PTPRD: variants seen among roughly 807,000 people sequenced by gnomAD.
The protein encoded by PTPRD is receptor-type tyrosine-protein phosphatase delta.
A neutral mutation model predicts 214.5 loss-of-function variants in PTPRD; 34 were observed. The observed-to-expected ratio is 0.16, with a 90% confidence interval of 0.12 to 0.21. The LOEUF (loss-of-function observed/expected upper bound fraction) is 0.21, where lower values mean the gene tolerates loss of function less well. Among genes scored for constraint, PTPRD ranks in the 10% least tolerant of loss-of-function variants. The probability of loss-of-function intolerance (pLI) is 1.00; values close to 1 mark genes in which losing one functional copy is unlikely to be tolerated. For synonymous variants in PTPRD, 1,128 were observed against 845.7 expected (o/e 1.33, Z -5.79); for missense variants, 2,545 against 2,398.7 (o/e 1.06, Z -1.27).
chr9:9,748,554 A>C (rs1474411202), intron 6 of PTPRD, among the ~76,000 whole-genome samples: 1 of 152,220 alleles, frequency 6.6e-6, no homozygotes, highest in Admixed American at 6.5e-5. Context: ...ACGACAGAAA[A>C]GCAGGATGGT....
At chr9:9,524,921 A>G (rs958680590) in intron 8 of PTPRD, among the ~76,000 whole-genome samples, 7 of 152,148 alleles carry the variant, frequency 4.6e-5, no homozygotes, top group Non-Finnish European at 8.8e-5. Flanking sequence ...ACAGTGGCGC[A>G]ATCTCGGCTC....
intron 4 of PTPRD, among the ~76,000 whole-genome samples, chr9:9,955,768 C>G (rs548622370): frequency 2.7e-4 from 41 of 152,148 alleles, no homozygotes; most frequent in Non-Finnish European, 4.6e-4. Flanking sequence ...CGTGATAGCC[C>G]GCCTCGGCCT....
At chr9:9,232,587 C>T (rs2099963789) in intron 9 of PTPRD, among the ~76,000 whole-genome samples, 1 of 152,008 alleles carries the variant, frequency 6.6e-6, no homozygotes, top group Non-Finnish European at 1.5e-5. Context: ...CTTTTTGAAT[C>T]AATATAAATA....
At chr9:9,823,808 T>C (rs568965369) in intron 5 of PTPRD, among the ~76,000 whole-genome samples, 6 of 152,116 alleles carry the variant, frequency 3.9e-5, no homozygotes, top group South Asian at 2.1e-4. Context: ...AGTAGCACAA[T>C]AGGACAGCTA....
Position 10,394,308 on chromosome 9 carries a change from G to T in PTPRD, c.-599-53291C>A, listed in dbSNP as rs895925905. 7.3e-5 allele frequency among the ~76,000 whole-genome samples: 11 copies of T among 149,690 alleles called. 1 individual carries two copies. Among genetic ancestry groups the T allele is most frequent in the African/African-American group, 2.7e-4 (11 of 40,996 alleles). ...TCATTTGCCTCAACATACTTCTTTT[G>T]AAAACTTGAAATCTAGTTTAGTAAC... On this transcript the variant is annotated intron_variant, in intron 2 of 45. Transcript: ENST00000381196.
intron 7 of PTPRD, among the ~76,000 whole-genome samples, chr9:9,624,073 T>C (rs1479332701): frequency 6.6e-6 from 1 of 152,174 alleles, no homozygotes; most frequent in Non-Finnish European, 1.5e-5. Flanking sequence ...ACCAATGACA[T>C]GATCGTCATA....
At chr9:10,399,459 A>G (rs931737034) in intron 2 of PTPRD, among the ~76,000 whole-genome samples, 2 of 152,008 alleles carry the variant, frequency 1.3e-5, no homozygotes, top group African/African-American at 2.4e-5. Flanking sequence ...TTAATACAAC[A>G]AACACTGAGT....
At chr9:9,820,932 G>A (rs1159895997) in intron 5 of PTPRD, among the ~76,000 whole-genome samples, 4 of 152,008 alleles carry the variant, frequency 2.6e-5, no homozygotes, top group Non-Finnish European at 4.4e-5. Flanking sequence ...CTCTGTCCTT[G>A]TTCTTTTTGT....
chr9:8,331,639 T>TGGCCGATGAAGTCAATAAATCCTTCTC lies in PTPRD; in HGVS notation c.5450_5476dup (p.Gly1825_Gln1826insArgGluGlyPheIleAspPheIleGly). ...AAACTGTTCTTTTGTTTTATGGACTTGGCCGATGAAGTCAATAAATCCTTC... is the reference window on the plus strand; with the variant it reads ...AAACTGTTCTTTTGTTTTATGGACTTGGCCGATGAAGTCAATAAATCCTTCTCGGCCGATGAAGTCAATAAATCCTTC... On this transcript the variant is annotated inframe_insertion, in exon 44 of 46. Transcript: ENST00000381196. 1 of 1,613,950 alleles carries TGGCCGATGAAGTCAATAAATCCTTCTC rather than the reference T, an allele frequency of 6.2e-7. No homozygotes were observed. The highest frequency in any genetic ancestry group is 1.1e-5 in the South Asian group (1 of 91,052).
intron 12 of PTPRD, among the ~76,000 whole-genome samples, chr9:8,729,261 C>G (rs2098628557): frequency 6.6e-6 from 1 of 152,096 alleles, no homozygotes; most frequent in Non-Finnish European, 1.5e-5. Flanking sequence ...CTTTTTTTAA[C>G]CACTTTAGAC....
At chr9:9,423,364 C>G (rs1488808647) in intron 8 of PTPRD, among the ~76,000 whole-genome samples, 15 of 152,156 alleles carry the variant, frequency 9.9e-5, no homozygotes, top group Non-Finnish European at 2.9e-5. Flanking sequence ...AGGCAGCCTT[C>G]TGCAATCCAA....
Position 8,699,315 on chromosome 9 carries a change from A to G in PTPRD, c.64+34465T>C, listed in dbSNP as rs191060480. ...GGCCTTTCAACATATCCCCACAGAA[A>G]GATGAGGCAGACAAAGAAACTCTGT... On this transcript the variant is annotated intron_variant, in intron 12 of 45. Coordinates refer to ENST00000381196, the MANE Select transcript of PTPRD (RefSeq NM_002839.4). Among the ~76,000 whole-genome samples, 1,055 of 152,328 alleles carry G rather than the reference A, an allele frequency of 6.9e-3. 15 individuals are homozygous for G. Among genetic ancestry groups the G allele is most frequent in the African/African-American group, 0.024 (999 of 41,580 alleles).
chr9:9,570,223 G>A (rs1249483508), intron 8 of PTPRD, among the ~76,000 whole-genome samples: 1 of 151,254 alleles, frequency 6.6e-6, no homozygotes, highest in African/African-American at 2.4e-5. Context: ...ATTATTATTT[G>A]GACTTCAAAC....
chr9:8,717,143 A>G (rs552314644), intron 12 of PTPRD, among the ~76,000 whole-genome samples: 2 of 152,326 alleles, frequency 1.3e-5, no homozygotes, highest in East Asian at 3.9e-4. Context: ...ACTGTCTCAA[A>G]AAAGAATTAA....
chr9:10,564,168 A>ACTC (rs2064896205), intron 2 of PTPRD, among the ~76,000 whole-genome samples: 1 of 11,880 alleles, frequency 8.4e-5, no homozygotes, highest in Non-Finnish European at 1.9e-4. Flanking sequence ...ACACTAGGCT[A>ACTC]TTCTTTTTTT....
At chr9:8,459,504 C>G (rs952902408) in intron 33 of PTPRD, among the ~76,000 whole-genome samples, 4 of 151,946 alleles carry the variant, frequency 2.6e-5, no homozygotes, top group African/African-American at 9.7e-5. Context: ...TTATATGCTA[C>G]TCTTTATAAG....
intron 7 of PTPRD, among the ~76,000 whole-genome samples, chr9:9,709,260 A>G (rs1228460477): frequency 6.6e-6 from 1 of 151,986 alleles, no homozygotes; most frequent in Non-Finnish European, 1.5e-5. Context: ...TGTATTTTGA[A>G]GTATTGTTAT....
intron 8 of PTPRD, among the ~76,000 whole-genome samples, chr9:9,572,583 GTA>G (rs1194576044): frequency 1.4e-5 from 2 of 142,592 alleles, no homozygotes; most frequent in East Asian, 2.0e-4. Flanking sequence ...ATATATATGT[GTA>G]TATATATGTA....
chr9:10,147,746 G>A (rs1219340029), intron 3 of PTPRD, among the ~76,000 whole-genome samples: 1 of 152,050 alleles, frequency 6.6e-6, no homozygotes, highest in Non-Finnish European at 1.5e-5. Context: ...CAGGCATTGC[G>A]GCAGGCTCCT....
Sources: gnomAD v4.1 joint callset for allele counts (sites outside exome capture counted in the v4.1 genomes callset) on GRCh38, gnomAD v4.1.1 for gene constraint, MANE v1.5 for transcripts, NCBI Gene and HGNC (gene_info 2026-07-23, HGNC 2026-07-21) for gene names.